The following CSNK1G1 variants were observed in gnomAD, a reference collection of about 807,000 sequenced individuals.
CSNK1G1 encodes the protein casein kinase 1 gamma 1, also known as casein kinase I isoform gamma-1.
Under a neutral mutation model 59.6 loss-of-function variants are expected in CSNK1G1, and 22 were observed. The observed-to-expected ratio is 0.37, with a 90% confidence interval of 0.26 to 0.53. The LOEUF (loss-of-function observed/expected upper bound fraction) is 0.53, where lower values mean the gene tolerates loss of function less well. Ranked by LOEUF, CSNK1G1 falls within the 20% of genes least tolerant of loss-of-function variation. The pLI is 0.89. For missense variants in CSNK1G1, 384 were observed against 519.5 expected (o/e 0.74, Z 2.54); for synonymous variants, 179 against 177.1 (o/e 1.01, Z -0.08).
chr15:64,299,743 A>G (rs1895222531), intron 2 of CSNK1G1, among the ~76,000 whole-genome samples: 1 of 152,124 alleles, frequency 6.6e-6, no homozygotes, highest in Non-Finnish European at 1.5e-5. Context: ...GTTGGGAAAT[A>G]AAATTGCCTA....
chr15:64,296,686 G>A (rs1243697168), intron 2 of CSNK1G1, among the ~76,000 whole-genome samples: 1 of 151,864 alleles, frequency 6.6e-6, no homozygotes, highest in Admixed American at 6.6e-5. Context: ...CCAACATGGT[G>A]AAACCCTGCC....
chr15:64,191,714 G>C (rs975061130), intron 10 of CSNK1G1, among the ~76,000 whole-genome samples: 2 of 152,074 alleles, frequency 1.3e-5, no homozygotes, highest in Non-Finnish European at 2.9e-5. Context: ...TAACACTCTA[G>C]ATTGCTTCAT....
chr15:64,249,683 AAAAGCAAT>A (rs777979079), intron 4 of CSNK1G1, among the ~76,000 whole-genome samples: 4 of 152,218 alleles, frequency 2.6e-5, no homozygotes, highest in Non-Finnish European at 2.9e-5. Flanking sequence ...TGCTTAAGTG[AAAAGCAAT>A]TTGTATAGTC....
At position 64,210,115 on chromosome 15, in the gene CSNK1G1, G is replaced by T. The variant is rs1244424848; in HGVS notation, c.680-2521C>A. Among the ~76,000 whole-genome samples the T allele has an allele frequency of 6.6e-6, 1 of 151,984 alleles. No individual in the cohort carries two copies. On this transcript the variant is annotated intron_variant, in intron 6 of 11. Coordinates refer to ENST00000303052, the MANE Select transcript of CSNK1G1 (RefSeq NM_022048.5). The surrounding 1 kb of genome is among the most constrained non-coding windows in gnomAD (Gnocchi z 4.2). ...AATAAGGGTTCCTAAATCAGGAAGGGTACCTAAATAAGGTACCCAAAATAA... is the reference window on the plus strand; with the variant it reads ...AATAAGGGTTCCTAAATCAGGAAGGTTACCTAAATAAGGTACCCAAAATAA...
chr15:64,299,767 G>C (rs889307764), intron 2 of CSNK1G1, among the ~76,000 whole-genome samples: 1 of 151,966 alleles, frequency 6.6e-6, no homozygotes, highest in African/African-American at 2.4e-5. Flanking sequence ...TCTCCTTGGA[G>C]TTCTAACTTA....
intron 11 of CSNK1G1, 57 bp downstream of exon 11, chr15:64,180,291 A>T: frequency 1.6e-6 from 2 of 1,235,102 alleles, no homozygotes; most frequent in South Asian, 2.4e-5. Flanking sequence ...AGAGAGGAAG[A>T]GACAGAAAAG....
At chr15:64,270,102 C>G (rs1893206108) in intron 2 of CSNK1G1, among the ~76,000 whole-genome samples, 3 of 152,228 alleles carry the variant, frequency 2.0e-5, no homozygotes, top group Admixed American at 2.0e-4. Flanking sequence ...GCCACCACAC[C>G]TGGCCTCTGA....
intron 4 of CSNK1G1, among the ~76,000 whole-genome samples, chr15:64,229,901 A>ATTTTTTTTTT: frequency 2.2e-5 from 1 of 45,348 alleles, no homozygotes; most frequent in South Asian, 7.6e-4. Flanking sequence ...CATGTTTGTA[A>ATTTTTTTTTT]ATTTTTTTTT....
At chr15:64,281,228 A>T (rs1221594825) in intron 2 of CSNK1G1, among the ~76,000 whole-genome samples, 2 of 152,200 alleles carry the variant, frequency 1.3e-5, no homozygotes, top group Non-Finnish European at 2.9e-5. Flanking sequence ...ACGTTATACT[A>T]AGTAAAATAA....
chr15:64,269,773 T>C (rs28799924), intron 2 of CSNK1G1, among the ~76,000 whole-genome samples: 29,346 of 151,112 alleles, frequency 0.19, 3,920 homozygotes, highest in African/African-American at 0.39. Flanking sequence ...GGATTACAGG[T>C]GTGAGCCACC....
intron 4 of CSNK1G1, among the ~76,000 whole-genome samples, chr15:64,231,373 AC>A (rs2082546629): frequency 6.8e-6 from 1 of 147,668 alleles, no homozygotes; most frequent in African/African-American, 2.5e-5. Context: ...ATTTATATAA[AC>A]ATATATATAT....
At chr15:64,173,995 C>G (rs941445888) in intron 11 of CSNK1G1, among the ~76,000 whole-genome samples, 4 of 152,124 alleles carry the variant, frequency 2.6e-5, no homozygotes, top group African/African-American at 9.7e-5. Context: ...ATAAAAGAGG[C>G]AAATTAAATC....
At chr15:64,247,051 C>T (rs1159364444) in intron 4 of CSNK1G1, among the ~76,000 whole-genome samples, 2 of 152,142 alleles carry the variant, frequency 1.3e-5, no homozygotes, top group Non-Finnish European at 2.9e-5. Flanking sequence ...GGATCTGTTT[C>T]GGCCACAGAC....
rs1451690145 is a variant in CSNK1G1 at position 64,188,632 on chromosome 15, A to C, written c.1108-8178T>G. 1.6e-6 allele frequency: 1 copy of C among 638,302 alleles called. No individual in the cohort carries two copies. Among genetic ancestry groups the C allele is most frequent in the Non-Finnish European group, 2.7e-6 (1 of 365,034 alleles). The allele number at this position is 638,302 out of a possible 1,614,324, so 39.5% of individuals were successfully genotyped here. On this transcript the variant is annotated intron_variant, in intron 10 of 11. Transcript: ENST00000303052. This position sits in a 1 kb window ranked among gnomAD's most constrained non-coding sequence, Gnocchi z 4.2. ...AACTAACAACCACTGGAAAGCAGTG[A>C]GGAAAAGTAAGCTTGTCTACATTCA...
At chr15:64,334,319 A>C (rs953041748) in intron 1 of CSNK1G1, among the ~76,000 whole-genome samples, 1 of 152,060 alleles carries the variant, frequency 6.6e-6, no homozygotes, top group South Asian at 2.1e-4. Context: ...TGCCCAGCCT[A>C]AAATCTTTTA....
intron 1 of CSNK1G1, among the ~76,000 whole-genome samples, chr15:64,321,161 A>G (rs1259218428): frequency 6.6e-6 from 1 of 152,174 alleles, no homozygotes; most frequent in African/African-American, 2.4e-5. Flanking sequence ...AATGCAAAAA[A>G]TAACAATTTA....
chr15:64,278,637 C>T (rs921296319), intron 2 of CSNK1G1, among the ~76,000 whole-genome samples: 5 of 152,010 alleles, frequency 3.3e-5, no homozygotes, highest in African/African-American at 1.2e-4. Context: ...CCATGTTGGC[C>T]AAGCTGGTGT....
intron 4 of CSNK1G1, among the ~76,000 whole-genome samples, chr15:64,246,798 T>C (rs945282443): frequency 6.6e-6 from 1 of 152,098 alleles, no homozygotes; most frequent in Admixed American, 6.6e-5. Context: ...GAGACCTCCA[T>C]TTTCCTGTCA....
chr15:64,178,575 G>A (rs1434356496), intron 11 of CSNK1G1, among the ~76,000 whole-genome samples: 5 of 149,836 alleles, frequency 3.3e-5, no homozygotes, highest in South Asian at 2.1e-4. Flanking sequence ...CCTGCCTCCT[G>A]GGTTCAAGCG....
Sources: allele counts gnomAD v4.1 joint callset (sites outside exome capture counted in the v4.1 genomes callset), GRCh38; gene constraint gnomAD v4.1.1; non-coding constraint Gnocchi (gnomAD v3.1); transcripts MANE v1.5; gene names NCBI Gene and HGNC (gene_info 2026-07-23, HGNC 2026-07-21).